FRY: variants seen among roughly 807,000 people sequenced by gnomAD.
FRY encodes FRY microtubule binding protein.
A neutral mutation model predicts 348.4 loss-of-function variants in FRY; 128 were observed. The ratio of observed to expected loss-of-function variants is 0.37; its 90% CI spans 0.32 to 0.43. FRY has a LOEUF of 0.43. FRY is among the 20% of genes least tolerant of loss of function. The pLI is 1.00. For missense variants in FRY, 2,736 were observed against 3,695.2 expected (o/e 0.74, Z 6.73); for synonymous variants, 1,370 against 1,374.7 (o/e 1.00, Z 0.08).
chr13:32,104,930 A>G (rs138585454), intron 3 of FRY, among the ~76,000 whole-genome samples: 7 of 152,322 alleles, frequency 4.6e-5, no homozygotes, highest in Non-Finnish European at 1.0e-4. Context: ...CCTCCCAGCC[A>G]TGCAGAACCG....
At position 32,186,154 on chromosome 13, in the gene FRY, A is replaced by G. The variant is rs1274461078; in HGVS notation, c.3320-106A>G. The G allele has an allele frequency of 3.4e-6, 3 of 872,612 alleles. No individual in the cohort carries two copies. In the Admixed American group the frequency reaches 5.6e-5, roughly 16 times the overall value. 54.1% of individuals were successfully genotyped at this position (872,612 alleles called of 1,614,324 possible). A position where few individuals can be genotyped will look rare whatever the true frequency, so the allele number is the denominator to read the frequency against. ...TGTTTCATTGCCTAAAGAAAACTGT[A>G]GTTAAAAAATGAAGTGGTTCCTTTC... On this transcript the variant is annotated intron_variant, in intron 26 of 60. Transcript: ENST00000542859.
intron 29 of FRY, among the ~76,000 whole-genome samples, chr13:32,198,574 A>G (rs1176787771): frequency 1.3e-5 from 2 of 152,192 alleles, no homozygotes; most frequent in Non-Finnish European, 1.5e-5. Flanking sequence ...CCACTTCTAC[A>G]TGACCTGAAG....
intron 23 of FRY, among the ~76,000 whole-genome samples, chr13:32,181,142 G>T (rs976421677): frequency 2.0e-5 from 3 of 151,096 alleles, no homozygotes; most frequent in Non-Finnish European, 3.0e-5. Flanking sequence ...TGCCCACCCC[G>T]GCCTCCCAAA....
intron 24 of FRY, among the ~76,000 whole-genome samples, chr13:32,183,299 G>A (rs910230007): frequency 6.6e-6 from 1 of 152,178 alleles, no homozygotes; most frequent in African/African-American, 2.4e-5. Context: ...TTCTTTTGCA[G>A]GAGGTTTGAG....
At chr13:32,207,451 T>C (rs1403178420) in intron 31 of FRY, among the ~76,000 whole-genome samples, 1 of 152,210 alleles carries the variant, frequency 6.6e-6, no homozygotes, top group Non-Finnish European at 1.5e-5. Context: ...CTGAGTCTCT[T>C]TCTTAGGGGC....
chr13:32,232,463 A>G (rs1455641150), intron 41 of FRY, among the ~76,000 whole-genome samples: 4 of 152,222 alleles, frequency 2.6e-5, no homozygotes, highest in Non-Finnish European at 4.4e-5. Flanking sequence ...AACAGCCCCC[A>G]GAGCTCAGAG....
At position 32,254,492 on chromosome 13, in the gene FRY, A is replaced by T; in HGVS notation, c.7416+98A>T. 2.6e-6 allele frequency: 3 copies of T among 1,154,302 alleles called. No homozygotes were observed. In the South Asian group the frequency reaches 3.7e-5, roughly 14 times the overall value. The allele number at this position is 1,154,302 out of a possible 1,614,324, so 71.5% of individuals were successfully genotyped here. A position where few individuals can be genotyped will look rare whatever the true frequency, so the allele number is the denominator to read the frequency against. ...CTAAATAATGAGTTTTTGTAACAAGATCTTTAATTGGAAAGTTGTAAACTT... is the reference window on the plus strand; with the variant it reads ...CTAAATAATGAGTTTTTGTAACAAGTTCTTTAATTGGAAAGTTGTAAACTT... On this transcript the variant is annotated intron_variant, in intron 51 of 60. Transcript: ENST00000542859.
chr13:32,049,401 GGTCTT>G (rs1445080122), intron 1 of FRY, among the ~76,000 whole-genome samples: 1 of 152,060 alleles, frequency 6.6e-6, no homozygotes, highest in Non-Finnish European at 1.5e-5. Context: ...CGAAAGGTCT[GGTCTT>G]ATTCTGAAAA....
intron 17 of FRY, among the ~76,000 whole-genome samples, chr13:32,166,812 C>G (rs1593688850): frequency 6.6e-6 from 1 of 152,152 alleles, no homozygotes; most frequent in South Asian, 2.1e-4. Context: ...GGCAGCTGGG[C>G]CTTTTTCTTC....
chr13:32,173,497 T>C lies in FRY; in HGVS notation c.2282T>C (p.Val761Ala). The change falls in exon 19 of 61, where the codon GTT becomes GCT. Residue 761 changes from valine to alanine, a missense_variant. Physicochemically the swap from Val to Ala is moderately conservative, Grantham distance 64. This residue lies in a region of FRY where 449 missense variants were observed against 576.9 expected (regional missense o/e 0.78). Coordinates refer to ENST00000542859, the MANE Select transcript of FRY (RefSeq NM_023037.3). ...SFQVATRKLS[V>A]LILKEIRALF... The stretch of plus-strand genomic sequence containing the variant: ...CAGGTGGCCACACGCAAACTGTCCG[T>C]TTTAATACTCAAGGAAATTCGAGCG... The C allele has an allele frequency of 6.2e-7, 1 of 1,613,724 alleles. No individual in the cohort carries two copies. The highest frequency in any genetic ancestry group is 1.1e-5 in the South Asian group (1 of 91,064).
At chr13:32,047,185 T>TGTA (rs1367364485) in intron 1 of FRY, among the ~76,000 whole-genome samples, 1 of 152,248 alleles carries the variant, frequency 6.6e-6, no homozygotes, top group Non-Finnish European at 1.5e-5. Flanking sequence ...TATTCACTAT[T>TGTA]GTACTTGCTC....
At chr13:32,060,979 TG>T (rs1873910620) in intron 1 of FRY, 1 of 433,322 alleles carries the variant, frequency 2.3e-6, no homozygotes, top group Non-Finnish European at 4.8e-6. Context: ...CCCTGCATTG[TG>T]GCTGAGACAC....
chr13:32,085,890 T>C, intron 2 of FRY: 1 of 518,982 alleles, frequency 1.9e-6, no homozygotes, highest in Non-Finnish European at 3.8e-6. Context: ...GCAGACCTGG[T>C]CTTAGCCCTC....
At chr13:32,080,313 TG>T (rs1222576247) in intron 2 of FRY, among the ~76,000 whole-genome samples, 1 of 152,222 alleles carries the variant, frequency 6.6e-6, no homozygotes, top group Non-Finnish European at 1.5e-5. Context: ...CTGATATCTG[TG>T]GTGTACTTAC....
At chr13:32,056,001 G>GT (rs1873601811) in intron 1 of FRY, among the ~76,000 whole-genome samples, 1 of 152,004 alleles carries the variant, frequency 6.6e-6, no homozygotes, top group African/African-American at 2.4e-5. Context: ...GACCAGCCTG[G>GT]CCAATATGGT....
intron 22 of FRY, 148 bp downstream of exon 22, chr13:32,179,181 G>A: frequency 3.0e-6 from 2 of 660,788 alleles, no homozygotes; most frequent in Non-Finnish European, 5.3e-6. Flanking sequence ...ATTCCATTGA[G>A]TGTTTATATG....
chr13:32,158,810 C>T (rs565253787), intron 16 of FRY, among the ~76,000 whole-genome samples: 47 of 151,812 alleles, frequency 3.1e-4, no homozygotes, highest in Non-Finnish European at 4.7e-4. Flanking sequence ...CCCAGCTACT[C>T]GGGAGGCTGA....
chr13:32,117,540 T>C (rs916430585), intron 4 of FRY, 67 bp downstream of exon 4: 3 of 1,552,588 alleles, frequency 1.9e-6, no homozygotes, highest in African/African-American at 2.7e-5. Context: ...TAAATCAAAA[T>C]TAGAGTTACA....
intron 35 of FRY, among the ~76,000 whole-genome samples, chr13:32,215,770 A>G (rs948777712): frequency 4.6e-5 from 7 of 152,192 alleles, no homozygotes; most frequent in East Asian, 3.9e-4. Flanking sequence ...GAGTTTCACT[A>G]TGTTGCCCAG....
Sources: gnomAD v4.1 joint callset for allele counts (sites outside exome capture counted in the v4.1 genomes callset) on GRCh38, gnomAD v4.1.1 for gene constraint, gnomAD v4.1.1 regional missense constraint, MANE v1.5 for transcripts, NCBI Gene and HGNC (gene_info 2026-07-23, HGNC 2026-07-21) for gene names.